The following EDC4 variants were observed in gnomAD, a reference collection of about 807,000 sequenced individuals.
EDC4 encodes the protein enhancer of mRNA-decapping protein 4.
In EDC4, 64 loss-of-function variants were observed where a neutral mutation model predicts 155.8. That is an observed-to-expected ratio of 0.41 (90% CI 0.34 to 0.51). EDC4 has a LOEUF of 0.51. Among genes scored for constraint, EDC4 ranks in the 20% least tolerant of loss-of-function variants. The pLI, the probability that EDC4 is intolerant of heterozygous loss-of-function variation, is 0.19. For missense variants in EDC4, 1,303 were observed against 1,812.5 expected (o/e 0.72, Z 5.10); for synonymous variants, 684 against 716.8 (o/e 0.95, Z 0.73).
In EDC4 at chr16:67,881,046, A is replaced by G. The variant is rs764130477; in HGVS notation, c.2532-30A>G. ...AGCAGGAGGGGCTTCAGATAGATTC[A>G]TCCATGGCTAAGTTGGCCTGTCCTC... On this transcript the variant is annotated intron_variant, in intron 18 of 28. Coordinates refer to ENST00000358933, the MANE Select transcript of EDC4 (RefSeq NM_014329.5). The surrounding 1 kb of genome is among the most constrained non-coding windows in gnomAD (Gnocchi z 5.4). 1 of 1,613,968 alleles carries G rather than the reference A, an allele frequency of 6.2e-7. No homozygotes were observed. Among genetic ancestry groups the G allele is most frequent in the Non-Finnish European group, 8.5e-7 (1 of 1,180,010 alleles).
rs889891413 is a variant in EDC4 at position 67,883,906 on chromosome 16, C to G, written c.4014-50C>G. On this transcript the variant is annotated intron_variant, in intron 28 of 28. Coordinates refer to ENST00000358933, the MANE Select transcript of EDC4 (RefSeq NM_014329.5). The surrounding 1 kb of genome is among the most constrained non-coding windows in gnomAD (Gnocchi z 5.3). ...GGCCTCGGTGCCACCAGGGGGCGCTCCCGTCTGCTGGCACCCACCTGTAGC... is the reference window on the plus strand; with the variant it reads ...GGCCTCGGTGCCACCAGGGGGCGCTGCCGTCTGCTGGCACCCACCTGTAGC... The G allele has an allele frequency of 6.5e-7, 1 of 1,547,626 alleles. No homozygotes were observed. The highest frequency in any genetic ancestry group is 8.7e-7 in the Non-Finnish European group (1 of 1,145,898).
Position 67,878,767 on chromosome 16 carries a change from T to C in EDC4, c.1215T>C (p.Ser405=), listed in dbSNP as rs1184837588. 1 of 1,613,966 alleles carries C rather than the reference T, an allele frequency of 6.2e-7. No homozygotes were observed. Among genetic ancestry groups the C allele is most frequent in the African/African-American group, 1.3e-5 (1 of 74,886 alleles). ...RFSPDIFSSV[S]VPPSLKVCLD... is the part of the protein sequence containing the mutation. ...CCCCAGATATCTTCAGCTCAGTGAGTGTGCCCCCTAGCCTCAAGGTTTGCT... is the reference window on the plus strand; with the variant it reads ...CCCCAGATATCTTCAGCTCAGTGAGCGTGCCCCCTAGCCTCAAGGTTTGCT... The change falls in exon 11 of 29, where the codon AGT becomes AGC. Residue 405 remains serine, a synonymous_variant. Coordinates refer to ENST00000358933, the MANE Select transcript of EDC4 (RefSeq NM_014329.5). This position sits in a 1 kb window ranked among gnomAD's most constrained non-coding sequence, Gnocchi z 5.2.
chr16:67,877,876 C>T lies in EDC4; in HGVS notation c.894+31C>T, dbSNP rs1159103416. 1 of 1,612,516 alleles carries T rather than the reference C, an allele frequency of 6.2e-7. No homozygotes were observed. The highest frequency in any genetic ancestry group is 8.5e-7 in the Non-Finnish European group (1 of 1,179,510). On this transcript the variant is annotated intron_variant, in intron 7 of 28. Transcript: ENST00000358933. The surrounding 1 kb of genome is among the most constrained non-coding windows in gnomAD (Gnocchi z 4.9). Reference sequence around the variant, plus strand: ...CCTGTGACTGCCTGCCTCCCCTGCCCTCCCCACTTCCTCATATCCATCTTC... The same window carrying T: ...CCTGTGACTGCCTGCCTCCCCTGCCTTCCCCACTTCCTCATATCCATCTTC...
chr16:67,876,409 A>G lies in EDC4; in HGVS notation c.240-79A>G, dbSNP rs550534829. 106 of 1,558,648 alleles carry G rather than the reference A, an allele frequency of 6.8e-5. 1 individual carries two copies. The South Asian group carries it at 1.2e-3, about 17-fold the overall frequency. ...ACTAGATACCTTCCCCAGTCTGGCTATGTCCTCGCTTCCTCCCAACCCTGC... is the reference window on the plus strand; with the variant it reads ...ACTAGATACCTTCCCCAGTCTGGCTGTGTCCTCGCTTCCTCCCAACCCTGC... On this transcript the variant is annotated intron_variant, in intron 2 of 28. Transcript: ENST00000358933. The surrounding 1 kb of genome is among the most constrained non-coding windows in gnomAD (Gnocchi z 5.8).
chr16:67,878,325 CCACT>C lies in EDC4; in HGVS notation c.1005-28_1005-25del. 6.2e-7 allele frequency: 1 copy of C among 1,614,224 alleles called. No homozygotes were observed. The highest frequency in any genetic ancestry group is 8.5e-7 in the Non-Finnish European group (1 of 1,180,048). ...GATCCTCCCGAGGTAGCCCACCCGA[CCACT>C]CACTCAGGCCCCTCATCTGCCTACC... On this transcript the variant is annotated intron_variant, in intron 8 of 28. Coordinates refer to ENST00000358933, the MANE Select transcript of EDC4 (RefSeq NM_014329.5). This position sits in a 1 kb window ranked among gnomAD's most constrained non-coding sequence, Gnocchi z 5.2.
chr16:67,883,125 C>A lies in EDC4; in HGVS notation c.3797C>A (p.Ala1266Asp). The change falls in exon 27 of 29, where the codon GCC (alanine) becomes GAC (aspartate). Residue 1266 changes from alanine (A) to aspartate (D), a missense_variant. Ala to Asp is a moderately radical substitution (Grantham distance 126). Transcript: ENST00000358933. This position sits in a 1 kb window ranked among gnomAD's most constrained non-coding sequence, Gnocchi z 5.3. Reference sequence around the variant, plus strand: ...CACCTTGACTGCCAGGCCCAGCAAGCCCATATCCTGCAGCTGCTGCAGCAG... The same window carrying A: ...CACCTTGACTGCCAGGCCCAGCAAGACCATATCCTGCAGCTGCTGCAGCAG... ...SAHLDCQAQQ[A>D]HILQLLQQGH... The A allele has an allele frequency of 6.2e-7, 1 of 1,607,768 alleles. No individual in the cohort carries two copies. The highest frequency in any genetic ancestry group is 1.3e-5 in the African/African-American group (1 of 74,962).
In EDC4 at chr16:67,876,286, A is replaced by G. The variant is rs919147573; in HGVS notation, c.239+185A>G. On this transcript the variant is annotated intron_variant, in intron 2 of 28. Coordinates refer to ENST00000358933, the MANE Select transcript of EDC4 (RefSeq NM_014329.5). The surrounding 1 kb of genome is among the most constrained non-coding windows in gnomAD (Gnocchi z 5.8). ...ACAAGCTCAGGGGTTTGGCCTGGAT[A>G]CCTGGTTTAGAATGAAAGTAGGCTC... Among the ~76,000 whole-genome samples, 5 of 152,104 alleles carry G rather than the reference A, an allele frequency of 3.3e-5. No homozygotes were observed. Among genetic ancestry groups the G allele is most frequent in the African/African-American group, 1.2e-4 (5 of 41,410 alleles).
At position 67,882,936 on chromosome 16, in the gene EDC4, C is replaced by T. The variant is rs770282091; in HGVS notation, c.3630-22C>T. The stretch of plus-strand genomic sequence containing the variant: ...CAGACTAGGCTCCCTGTCCACTTCA[C>T]CTCACTCACTTCCCTTTGCAGCCTG... On this transcript the variant is annotated intron_variant, in intron 26 of 28. Coordinates refer to ENST00000358933, the MANE Select transcript of EDC4 (RefSeq NM_014329.5). The surrounding 1 kb of genome is among the most constrained non-coding windows in gnomAD (Gnocchi z 7.2). 5.0e-6 allele frequency: 8 copies of T among 1,613,636 alleles called. No homozygotes were observed. Among genetic ancestry groups the T allele is most frequent in the Non-Finnish European group, 6.8e-6 (8 of 1,179,662 alleles).
rs752276231 is a variant in EDC4 at position 67,883,713 on chromosome 16, G to A, written c.3995G>A (p.Arg1332Gln). ...CAGCTGGCATCTGACCTTGGCACTCGAACTGACCTCAAGCTCAGGTAAGTG... is the reference window on the plus strand; with the variant it reads ...CAGCTGGCATCTGACCTTGGCACTCAAACTGACCTCAAGCTCAGGTAAGTG... ...IQQLASDLGT[R>Q]TDLKLSYLEE... Residue 1332 changes from arginine to glutamine, a missense_variant, in exon 28 of 29, where the codon CGA (arginine) becomes CAA (glutamine). Physicochemically the swap from Arg to Gln is conservative, Grantham distance 43. Around this residue, in one of 5 missense-constraint regions of EDC4, gnomAD observed 527 missense variants for 757.0 expected, o/e 0.70. Transcript: ENST00000358933. This position sits in a 1 kb window ranked among gnomAD's most constrained non-coding sequence, Gnocchi z 5.3. 4.3e-5 allele frequency: 69 copies of A among 1,613,976 alleles called. No individual in the cohort carries two copies. In the Admixed American group the frequency reaches 1.0e-3, roughly 24 times the overall value.
rs770374164 is a variant in EDC4 at position 67,878,654 on chromosome 16, G to A, written c.1184+23G>A. 10 of 1,614,154 alleles carry A rather than the reference G, an allele frequency of 6.2e-6. No individual in the cohort carries two copies. Among genetic ancestry groups the A allele is most frequent in the Non-Finnish European group, 8.5e-6 (10 of 1,180,026 alleles). ...TCGGTAAGCAGTGGCTGGAAGGCTG[G>A]GGGACTGGGCAGGGGCGGCAGGGTT... On this transcript the variant is annotated intron_variant, in intron 10 of 28. Coordinates refer to ENST00000358933, the MANE Select transcript of EDC4 (RefSeq NM_014329.5). This position sits in a 1 kb window ranked among gnomAD's most constrained non-coding sequence, Gnocchi z 5.2.
Position 67,879,570 on chromosome 16 carries a change from G to GATCTAACTCAAGTTAAAGCT in EDC4, c.1634-17_1634-16insATCTAACTCAAGTTAAAGCT. The GATCTAACTCAAGTTAAAGCT allele has an allele frequency of 6.2e-7, 1 of 1,613,692 alleles. No individual in the cohort carries two copies. ...CCAGGGTCTGAGATCTAACTCAAGT[G>GATCTAACTCAAGTTAAAGCT]GCAACTTGCCCTGCAGCATTTGGAG... is the stretch of plus-strand genomic sequence containing the variant. On this transcript the variant is annotated splice_polypyrimidine_tract_variant and intron_variant, in intron 14 of 28. Transcript: ENST00000358933. The surrounding 1 kb of genome is among the most constrained non-coding windows in gnomAD (Gnocchi z 6.0).
intron 1 of EDC4, 114 bp downstream of exon 1, chr16:67,873,457 G>C: frequency 1.2e-6 from 1 of 846,604 alleles, no homozygotes; most frequent in South Asian, 2.3e-5. Flanking sequence ...TCCTCCCGGC[G>C]GGTAAGGGTG....
Position 67,879,870 on chromosome 16 carries a change from C to G in EDC4, c.1842C>G (p.Ser614Arg), listed in dbSNP as rs1467815946. 1.9e-6 allele frequency: 3 copies of G among 1,611,896 alleles called. No homozygotes were observed. The East Asian group carries it at 6.7e-5, about 36-fold the overall frequency. Residue 614 changes from serine to arginine, a missense_variant, in exon 16 of 29, where the codon AGC (serine) becomes AGG (arginine). Around this residue, in one of 5 missense-constraint regions of EDC4, gnomAD observed 391 missense variants for 445.4 expected, o/e 0.88. Coordinates refer to ENST00000358933, the MANE Select transcript of EDC4 (RefSeq NM_014329.5). This position sits in a 1 kb window ranked among gnomAD's most constrained non-coding sequence, Gnocchi z 6.0. ...CCCAGATCACTGCCTCTCCCAGCAGCAGCAGCAGCGGTAGCAGCAGCAGCA... is the reference window on the plus strand; with the variant it reads ...CCCAGATCACTGCCTCTCCCAGCAGGAGCAGCAGCGGTAGCAGCAGCAGCA... ...SLQQITASPS[S>R]SSSGSSSSSS...
At position 67,877,945 on chromosome 16, in the gene EDC4, C is replaced by G. The variant is rs2058048850; in HGVS notation, c.894+100C>G. 1.3e-6 allele frequency: 2 copies of G among 1,542,226 alleles called. No homozygotes were observed. Among genetic ancestry groups the G allele is most frequent in the African/African-American group, 1.4e-5 (1 of 73,446 alleles). Reference sequence around the variant, plus strand: ...CTGCCCGGGCAGCTTTACTAGCATTCTGCCCGTGGGGACTCTGAGCTCAAA... The same window carrying G: ...CTGCCCGGGCAGCTTTACTAGCATTGTGCCCGTGGGGACTCTGAGCTCAAA... On this transcript the variant is annotated intron_variant, in intron 7 of 28. Coordinates refer to ENST00000358933, the MANE Select transcript of EDC4 (RefSeq NM_014329.5). The surrounding 1 kb of genome is among the most constrained non-coding windows in gnomAD (Gnocchi z 4.9).
Position 67,883,751 on chromosome 16 carries a change from G to C in EDC4, c.4013+20G>C. The C allele has an allele frequency of 6.2e-7, 1 of 1,612,934 alleles. No homozygotes were observed. The highest frequency in any genetic ancestry group is 8.5e-7 in the Non-Finnish European group (1 of 1,179,282). ...GCTCAGGTAAGTGGGGACAGCCAGG[G>C]ATGGGGAGATGAGCTGGGGAGTGGG... On this transcript the variant is annotated intron_variant, in intron 28 of 28. Coordinates refer to ENST00000358933, the MANE Select transcript of EDC4 (RefSeq NM_014329.5). This position sits in a 1 kb window ranked among gnomAD's most constrained non-coding sequence, Gnocchi z 5.3.
Position 67,881,066 on chromosome 16 carries a change from G to A in EDC4, c.2532-10G>A, listed in dbSNP as rs367810376. On this transcript the variant is annotated splice_polypyrimidine_tract_variant and intron_variant, in intron 18 of 28. Transcript: ENST00000358933. The surrounding 1 kb of genome is among the most constrained non-coding windows in gnomAD (Gnocchi z 5.4). ...GATTCATCCATGGCTAAGTTGGCCTGTCCTCCCAGCCCCAGGAATGGCCTT... is the reference window on the plus strand; with the variant it reads ...GATTCATCCATGGCTAAGTTGGCCTATCCTCCCAGCCCCAGGAATGGCCTT... The A allele has an allele frequency of 2.4e-5, 38 of 1,614,002 alleles. No homozygotes were observed. The South Asian group carries it at 4.0e-4, about 17-fold the overall frequency.
chr16:67,884,087 G>A lies in EDC4; in HGVS notation c.4145G>A (p.Gly1382Asp). 1.2e-6 allele frequency: 2 copies of A among 1,614,072 alleles called. No individual in the cohort carries two copies. Among genetic ancestry groups the A allele is most frequent in the Non-Finnish European group, 1.7e-6 (2 of 1,179,994 alleles). Residue 1382 changes from glycine to aspartate, a missense_variant, in exon 29 of 29, where the codon GGC (glycine) becomes GAC (aspartate). Physicochemically the swap from Gly to Asp is moderately conservative, Grantham distance 94. Around this residue, in one of 5 missense-constraint regions of EDC4, gnomAD observed 527 missense variants for 757.0 expected, o/e 0.70. Transcript: ENST00000358933. This position sits in a 1 kb window ranked among gnomAD's most constrained non-coding sequence, Gnocchi z 4.1. The stretch of plus-strand genomic sequence containing the variant: ...CAGGCTGAGCCACACAACTCACTTG[G>A]CAAAGCAGCTCGGCGTCTCAGCCTC... ...FLQAEPHNSL[G>D]KAARRLSLML...
Position 67,876,821 on chromosome 16 carries a change from G to T in EDC4, c.352-52G>T. On this transcript the variant is annotated intron_variant, in intron 3 of 28. Coordinates refer to ENST00000358933, the MANE Select transcript of EDC4 (RefSeq NM_014329.5). This position sits in a 1 kb window ranked among gnomAD's most constrained non-coding sequence, Gnocchi z 5.8. ...TCTCCCATCCCCAGGGATGTTGGGG[G>T]CCACCTAGGCTCTGGGGAAGTTCCA... The T allele has an allele frequency of 6.2e-7, 1 of 1,601,020 alleles. No individual in the cohort carries two copies. Among genetic ancestry groups the T allele is most frequent in the Non-Finnish European group, 8.5e-7 (1 of 1,173,218 alleles).
chr16:67,881,482 T>C lies in EDC4; in HGVS notation c.2790-15T>C. The C allele has an allele frequency of 6.2e-7, 1 of 1,614,088 alleles. No individual in the cohort carries two copies. The highest frequency in any genetic ancestry group is 8.5e-7 in the Non-Finnish European group (1 of 1,180,014). ...GCTGCCTCACATAGCCTGAGGTGCT[T>C]CTCGCCTATGGCAGGGATGCAGCCA... is the stretch of plus-strand genomic sequence containing the variant. On this transcript the variant is annotated splice_polypyrimidine_tract_variant and intron_variant, in intron 20 of 28. Transcript: ENST00000358933. The surrounding 1 kb of genome is among the most constrained non-coding windows in gnomAD (Gnocchi z 5.4).
Sources: gnomAD v4.1 joint callset for allele counts (sites outside exome capture counted in the v4.1 genomes callset) on GRCh38, gnomAD v4.1.1 for gene constraint, gnomAD v4.1.1 regional missense constraint, Gnocchi (gnomAD v3.1) non-coding constraint, MANE v1.5 for transcripts, NCBI Gene and HGNC (gene_info 2026-07-23, HGNC 2026-07-21) for gene names.